The following CELA3B variants were observed in gnomAD, a reference collection of about 807,000 sequenced individuals.
CELA3B encodes the protein chymotrypsin like elastase 3B.
A neutral mutation model predicts 37.2 loss-of-function variants in CELA3B; 34 were observed. The observed-to-expected ratio is 0.91, with a 90% CI of 0.70 to 1.22. The LOEUF (loss-of-function observed/expected upper bound fraction) is 1.22. Ranked by LOEUF, CELA3B falls within the 50% of genes most tolerant of loss-of-function variation. CELA3B has a pLI of 0.00. For synonymous variants in CELA3B, 127 were observed against 143.5 expected, an observed-to-expected ratio of 0.89 and a Z score of 0.82; for missense variants, 340 against 363.1, an observed-to-expected ratio of 0.94 and a Z score of 0.52.
At chr1:21,998,134 A>G (rs1644898966) in intron 4 of CELA3B, 1 of 469,950 alleles carries the variant, frequency 2.1e-6, no homozygotes. Context: ...TAGATTTTGA[A>G]TATCTTATTT....
chr1:21,990,984 A>G (rs1425836891), downstream of CELA3B, among the ~76,000 whole-genome samples: 820 of 54,110 alleles, frequency 0.015, 1 homozygote, highest in African/African-American at 0.05. Flanking sequence ...CAGCAAGGAC[A>G]CACACAAATG....
rs1165354297 is a variant in CELA3B at position 21,986,502 on chromosome 1, A to T, written c.643-29A>T. 5.6e-6 allele frequency: 9 copies of T among 1,609,678 alleles called. No individual in the cohort carries two copies. In the South Asian group the frequency reaches 8.8e-5, roughly 16 times the overall value. On this transcript the variant is annotated intron_variant, in intron 6 of 7. Coordinates refer to ENST00000337107, the MANE Select transcript of CELA3B (RefSeq NM_007352.4). ...GTTCCATAAACCTCAGACATGGCTC[A>T]GCCACCCACACCTCTCTGACGGTTC... is the stretch of plus-strand genomic sequence containing the variant.
chr1:21,979,643 G>T (rs1569834951), intron 2 of CELA3B, among the ~76,000 whole-genome samples: 1 of 150,334 alleles, frequency 6.7e-6, no homozygotes, highest in East Asian at 2.0e-4. Flanking sequence ...TTGTAGAGAT[G>T]GGGTCTCACT....
chr1:21,991,264 C>T (rs1163546426), downstream of CELA3B, among the ~76,000 whole-genome samples: 3 of 135,662 alleles, frequency 2.2e-5, no homozygotes, highest in African/African-American at 5.8e-5. Context: ...CCTCCGCCTC[C>T]CAGGTTCAAG....
intron 6 of CELA3B, among the ~76,000 whole-genome samples, chr1:21,984,747 G>T (rs111796525): frequency 6.6e-6 from 1 of 152,010 alleles, no homozygotes; most frequent in African/African-American, 2.4e-5. Flanking sequence ...AGGAGTTCGA[G>T]ACCAGCCTGG....
chr1:21,992,925 A>G (rs1006245467), downstream of CELA3B, among the ~76,000 whole-genome samples: 1 of 147,640 alleles, frequency 6.8e-6, no homozygotes, highest in Admixed American at 6.8e-5. Flanking sequence ...TGATTGCACC[A>G]CTGTACCACT....
At chr1:21,982,655 G>A (rs1366362577) in intron 4 of CELA3B, among the ~76,000 whole-genome samples, 3 of 152,036 alleles carry the variant, frequency 2.0e-5, no homozygotes, top group Non-Finnish European at 2.9e-5. Flanking sequence ...AATTGGGGTG[G>A]GATGCAGCAG....
At chr1:21,993,258 C>T (rs182547539), downstream of CELA3B, among the ~76,000 whole-genome samples, 2 of 151,020 alleles carry the variant, frequency 1.3e-5, no homozygotes, top group Non-Finnish European at 2.9e-5. Context: ...GTCAGGAGTT[C>T]GAGACCAGAC....
intron 6 of CELA3B, 121 bp from the exon 7 acceptor site, chr1:21,986,410 A>T: frequency 8.1e-7 from 1 of 1,240,518 alleles, no homozygotes; most frequent in East Asian, 2.6e-5. Context: ...AAAAAAAATG[A>T]GCGAGCTAAG....
In CELA3B at chr1:21,978,455, G is replaced by A. The variant is rs144994230; in HGVS notation, c.129+1G>A. The stretch of plus-strand genomic sequence containing the variant: ...GGTCCCCTACAGCTGGCCCTGGCAG[G>A]TAAGAGCAATAGCAGCTGCCCTCAT... On this transcript the variant is annotated splice_donor_variant, in intron 2 of 7. Coordinates refer to ENST00000337107, the MANE Select transcript of CELA3B (RefSeq NM_007352.4). LOFTEE classifies it high-confidence loss of function. The A allele has an allele frequency of 6.1e-4, 978 of 1,614,062 alleles. 3 individuals carry two copies. The highest frequency in any genetic ancestry group is 5.9e-4 in the Non-Finnish European group (699 of 1,179,950).
chr1:21,981,173 G>T lies in CELA3B; in HGVS notation c.362+1G>T. ...GGAACCGCTCGTGTGTGGCCTGTGG[G>T]TGAGTGAATGCTCCGGTCTGGAACC... On this transcript the variant is annotated splice_donor_variant, in intron 4 of 7. Coordinates refer to ENST00000337107, the MANE Select transcript of CELA3B (RefSeq NM_007352.4). LOFTEE classifies it high-confidence loss of function. 1.2e-6 allele frequency: 2 copies of T among 1,611,632 alleles called. No homozygotes were observed. Among genetic ancestry groups the T allele is most frequent in the Non-Finnish European group, 1.7e-6 (2 of 1,179,856 alleles).
Position 21,984,334 on chromosome 1 carries a change from G to T in CELA3B, c.642+3G>T, listed in dbSNP as rs768900942. On this transcript the variant is annotated splice_donor_region_variant and intron_variant, in intron 6 of 7. Coordinates refer to ENST00000337107, the MANE Select transcript of CELA3B (RefSeq NM_007352.4). ...GGGACATCCGCTCCGGCTGCAATGT[G>T]AGTCAGCTCTTACCTGCCCGAGGTG... is the stretch of plus-strand genomic sequence containing the variant. 3.7e-6 allele frequency: 6 copies of T among 1,612,088 alleles called. No homozygotes were observed. Among genetic ancestry groups the T allele is most frequent in the Non-Finnish European group, 5.1e-6 (6 of 1,179,256 alleles).
chr1:21,986,569 T>C lies in CELA3B; in HGVS notation c.681T>C (p.Asp227=), dbSNP rs1644839743. 6.2e-7 allele frequency: 1 copy of C among 1,613,998 alleles called. No individual in the cohort carries two copies. Among genetic ancestry groups the C allele is most frequent in the Non-Finnish European group, 8.5e-7 (1 of 1,179,990 alleles). The part of the protein sequence containing the change: ...SGGPLNCPTE[D]GGWQVHGVTS... ...GACCCCTCAACTGCCCCACAGAGGA[T>C]GGTGGCTGGCAGGTCCATGGCGTGA... is the stretch of plus-strand genomic sequence containing the variant. Residue 227 remains aspartate, a synonymous_variant, in exon 7 of 8, where the codon GAT becomes GAC. Transcript: ENST00000337107.
downstream of CELA3B, among the ~76,000 whole-genome samples, chr1:21,989,920 C>A (rs1644863196): frequency 6.6e-6 from 1 of 150,516 alleles, no homozygotes; most frequent in Non-Finnish European, 1.5e-5. Flanking sequence ...CTGCCCGAGA[C>A]TGGGTAGTTT....
At chr1:21,993,430 C>G (rs1341162155), downstream of CELA3B, among the ~76,000 whole-genome samples, 6 of 146,022 alleles carry the variant, frequency 4.1e-5, no homozygotes, top group African/African-American at 1.6e-4. Context: ...CCACTGCACT[C>G]CAGCCTGCAC....
At position 21,983,689 on chromosome 1, in the gene CELA3B, C is replaced by T; in HGVS notation, c.363-5C>T. 3 of 1,613,534 alleles carry T rather than the reference C, an allele frequency of 1.9e-6. No individual in the cohort carries two copies. Among genetic ancestry groups the T allele is most frequent in the Non-Finnish European group, 1.7e-6 (2 of 1,179,680 alleles). ...CAGGCCCCGTGACTGTTCCCTCCTC[C>T]CCAGCAATGACATCGCCCTCATCAA... On this transcript the variant is annotated splice_polypyrimidine_tract_variant and splice_region_variant and intron_variant, in intron 4 of 7. Coordinates refer to ENST00000337107, the MANE Select transcript of CELA3B (RefSeq NM_007352.4).
rs993020455 is a variant in CELA3B, at chr1:21,994,476, C to T, written c.505-3675C>T. On this transcript the variant is annotated intron_variant, in intron 4 of 4. Transcript: ENST00000400277. ...GCTGGCTTCTCTGCACCTCCCTCAC[C>T]GAGACAGCCAATTCCCCAGATTAAA... Among the ~76,000 whole-genome samples, 37 of 150,922 alleles carry T rather than the reference C, an allele frequency of 2.5e-4. 1 individual carries two copies. The highest frequency in any genetic ancestry group is 8.9e-4 in the African/African-American group (36 of 40,668).
chr1:21,977,069 C>T lies in CELA3B; in HGVS notation c.30C>T (p.Leu10=). 2 of 1,614,192 alleles carry T rather than the reference C, an allele frequency of 1.2e-6. No homozygotes were observed. Among genetic ancestry groups the T allele is most frequent in the South Asian group, 1.1e-5 (1 of 91,084 alleles). ...TGCTCCGGCTGCTCAGTTCCCTCCT[C>T]CTTGTGGCCGTTGGTAAGACCCCAA... The part of the protein sequence containing the change: MMLRLLSSL[L]LVAVASGYGP... Residue 10 remains leucine (L), a synonymous_variant, in exon 1 of 8, where the codon CTC becomes CTT. Coordinates refer to ENST00000337107, the MANE Select transcript of CELA3B (RefSeq NM_007352.4).
intron 2 of CELA3B, 45 bp from the exon 3 acceptor site, chr1:21,980,779 T>C: frequency 7.2e-7 from 1 of 1,386,144 alleles, no homozygotes; most frequent in Non-Finnish European, 1.0e-6. Context: ...GCAACTCTCA[T>C]GGTGGGGCCC....
Sources: gnomAD v4.1 joint callset for allele counts (sites outside exome capture counted in the v4.1 genomes callset) on GRCh38, gnomAD v4.1.1 for gene constraint, MANE v1.5 for transcripts, NCBI Gene and HGNC (gene_info 2026-07-23, HGNC 2026-07-21) for gene names.